Variants in MAGI2 observed in about 807,000 individuals in gnomAD.
The protein encoded by MAGI2 is membrane-associated guanylate kinase, WW and PDZ domain-containing protein 2.
A neutral mutation model predicts 133.3 loss-of-function variants in MAGI2; 35 were observed. The observed-to-expected ratio is 0.26, with a 90% CI of 0.20 to 0.35. The LOEUF (loss-of-function observed/expected upper bound fraction) is 0.35, where lower values mean the gene tolerates loss of function less well. MAGI2 is among the 10% of genes least tolerant of loss of function. MAGI2 has a pLI of 1.00. For synonymous variants in MAGI2, 729 were observed against 710.6 expected (o/e 1.03, Z -0.41); for missense variants, 1,636 against 1,863.4 (o/e 0.88, Z 2.25).
intron 2 of MAGI2, among the ~76,000 whole-genome samples, chr7:78,640,658 T>C (rs369786147): frequency 6.6e-6 from 1 of 152,196 alleles, no homozygotes; most frequent in East Asian, 1.9e-4. Context: ...AGCAGCTGAC[T>C]CAGCATCCTA....
intron 2 of MAGI2, among the ~76,000 whole-genome samples, chr7:78,698,271 C>T (rs993452363): frequency 3.9e-5 from 6 of 152,068 alleles, no homozygotes; most frequent in East Asian, 1.9e-4. Flanking sequence ...TCTGAAAATT[C>T]GAAATCCAAA....
At chr7:79,028,318 CATATATATACATAT>C (rs1562805702) in intron 1 of MAGI2, among the ~76,000 whole-genome samples, 1 of 24,196 alleles carries the variant, frequency 4.1e-5, no homozygotes, top group African/African-American at 1.3e-4. Context: ...TATATACACA[CATATATATACATAT>C]ATATACACAC....
intron 2 of MAGI2, among the ~76,000 whole-genome samples, chr7:78,717,901 G>C (rs143697522): frequency 7.2e-5 from 11 of 152,304 alleles, no homozygotes; most frequent in Admixed American, 3.3e-4. Flanking sequence ...TACTGTGAAA[G>C]TCAGTTTCAA....
At chr7:78,949,434 C>T (rs1175194507) in intron 2 of MAGI2, among the ~76,000 whole-genome samples, 1 of 152,058 alleles carries the variant, frequency 6.6e-6, no homozygotes, top group Non-Finnish European at 1.5e-5. Context: ...AGATTAAAGA[C>T]AAGTGAAACT....
At chr7:78,921,449 T>C (rs1799216104) in intron 2 of MAGI2, among the ~76,000 whole-genome samples, 1 of 152,174 alleles carries the variant, frequency 6.6e-6, no homozygotes, top group Non-Finnish European at 1.5e-5. Flanking sequence ...GAGTCTGCAC[T>C]TTAAATACGG....
At chr7:78,501,519 T>A in intron 5 of MAGI2, 58 bp downstream of exon 5, 7 of 1,227,394 alleles carry the variant, frequency 5.7e-6, no homozygotes, top group Non-Finnish European at 8.3e-6. Flanking sequence ...ACTTGCTACA[T>A]CATTTATATC....
intron 1 of MAGI2, among the ~76,000 whole-genome samples, chr7:79,398,510 C>T (rs902631520): frequency 6.6e-6 from 1 of 152,186 alleles, no homozygotes; most frequent in African/African-American, 2.4e-5. Context: ...GGATAAAAAG[C>T]AGCCAAGAAT....
At chr7:78,034,663 T>G (rs764414419) in intron 21 of MAGI2, among the ~76,000 whole-genome samples, 7 of 152,032 alleles carry the variant, frequency 4.6e-5, no homozygotes, top group South Asian at 2.1e-4. Flanking sequence ...TAGTAGCTGG[T>G]ACTACAGTTG....
intron 1 of MAGI2, among the ~76,000 whole-genome samples, chr7:79,384,088 A>G (rs1247938441): frequency 6.7e-6 from 1 of 148,466 alleles, no homozygotes; most frequent in Admixed American, 6.8e-5. Context: ...AGAGAAACCC[A>G]ATGTATTCAC....
chr7:78,521,411 A>G lies in MAGI2; in HGVS notation c.754+19T>C, dbSNP rs2150585009. 3 of 1,599,602 alleles carry G rather than the reference A, an allele frequency of 1.9e-6. No individual in the cohort carries two copies. The highest frequency in any genetic ancestry group is 2.6e-6 in the Non-Finnish European group (3 of 1,168,142). On this transcript the variant is annotated intron_variant, in intron 4 of 21. Transcript: ENST00000354212. ...AAAACAGTAAATTTATGAAGCCATAAAAAATGTAAATGACTAACCTGGTGT... is the reference window on the plus strand; with the variant it reads ...AAAACAGTAAATTTATGAAGCCATAGAAAATGTAAATGACTAACCTGGTGT...
chr7:79,363,186 A>T (rs758584352), intron 1 of MAGI2, among the ~76,000 whole-genome samples: 9 of 151,026 alleles, frequency 6.0e-5, no homozygotes, highest in Admixed American at 5.9e-4. Context: ...AAAACAGTAC[A>T]ATTTTCAATC....
intron 14 of MAGI2, among the ~76,000 whole-genome samples, chr7:78,169,464 T>A (rs542014054): frequency 2.6e-4 from 3 of 11,378 alleles, no homozygotes; most frequent in Non-Finnish European, 5.2e-4. Context: ...TGCTCCATCA[T>A]GACCTTCGGG....
chr7:79,108,134 G>C (rs542181577), intron 1 of MAGI2, among the ~76,000 whole-genome samples: 1 of 152,340 alleles, frequency 6.6e-6, no homozygotes, highest in East Asian at 1.9e-4. Context: ...TGAGCTGGAG[G>C]TGACCTTGGT....
intron 2 of MAGI2, among the ~76,000 whole-genome samples, chr7:78,837,979 G>C (rs1424966950): frequency 1.3e-5 from 2 of 152,038 alleles, no homozygotes; most frequent in Non-Finnish European, 2.9e-5. Context: ...TTTTAGCTGG[G>C]TACTGTAGAT....
intron 1 of MAGI2, among the ~76,000 whole-genome samples, chr7:79,219,361 A>G (rs1003861885): frequency 1.1e-4 from 16 of 152,056 alleles, no homozygotes; most frequent in Admixed American, 7.2e-4. Flanking sequence ...ATTTTATAGA[A>G]CAGCTACTGG....
chr7:78,825,193 G>A (rs1190687398), intron 2 of MAGI2, among the ~76,000 whole-genome samples: 1 of 152,094 alleles, frequency 6.6e-6, no homozygotes, highest in Non-Finnish European at 1.5e-5. Flanking sequence ...CATGGCACAT[G>A]TATACCTACG....
chr7:79,265,416 T>C (rs1425593318), intron 1 of MAGI2, among the ~76,000 whole-genome samples: 1 of 152,148 alleles, frequency 6.6e-6, no homozygotes, highest in African/African-American at 2.4e-5. Flanking sequence ...ATATAAAACC[T>C]ACCCACCATT....
At chr7:78,940,569 C>T (rs1031505039) in intron 2 of MAGI2, 2 of 152,216 alleles carry the variant, frequency 1.3e-5, no homozygotes, top group East Asian at 3.9e-4. Flanking sequence ...AAGCCCCCAA[C>T]TGCAGGGCTT....
chr7:78,630,996 C>T (rs1366224581), intron 2 of MAGI2, among the ~76,000 whole-genome samples: 1 of 151,968 alleles, frequency 6.6e-6, no homozygotes, highest in African/African-American at 2.4e-5. Context: ...TCCCTAGACC[C>T]CATGTCTATT....
Sources: allele counts gnomAD v4.1 joint callset (sites outside exome capture counted in the v4.1 genomes callset), GRCh38; gene constraint gnomAD v4.1.1; transcripts MANE v1.5; gene names NCBI Gene and HGNC (gene_info 2026-07-23, HGNC 2026-07-21).